Variants in CEACAM6 observed in about 807,000 individuals in gnomAD.
CEACAM6 encodes CEA cell adhesion molecule 6.
CEACAM6 carries 21 observed loss-of-function variants against 32.4 expected under a neutral mutation model. That is an observed-to-expected ratio of 0.65 (90% CI 0.46 to 0.93). The LOEUF (loss-of-function observed/expected upper bound fraction) is 0.93. Ranked by LOEUF, CEACAM6 falls within the 40% of genes least tolerant of loss-of-function variation. The pLI, the probability that CEACAM6 is intolerant of heterozygous loss-of-function variation, is 0.00. For missense variants in CEACAM6, 406 were observed against 432.2 expected, an observed-to-expected ratio of 0.94 and a Z score of 0.54; for synonymous variants, 184 against 174.4, an observed-to-expected ratio of 1.06 and a Z score of -0.43.
At chr19:41,756,196 A>C (rs2072884048) in intron 1 of CEACAM6, among the ~76,000 whole-genome samples, 1 of 152,168 alleles carries the variant, frequency 6.6e-6, no homozygotes, top group African/African-American at 2.4e-5. Context: ...ACAAAGAGAT[A>C]TAGAATGTGA....
chr19:41,758,915 T>C (rs75930294), intron 2 of CEACAM6, among the ~76,000 whole-genome samples: 8,782 of 152,174 alleles, frequency 0.058, 815 homozygotes, highest in African/African-American at 0.19. Context: ...AACAGGAGAA[T>C]GAGCTTCCAC....
At chr19:41,768,722 C>T (rs1380503781) in intron 5 of CEACAM6, among the ~76,000 whole-genome samples, 2 of 144,296 alleles carry the variant, frequency 1.4e-5, no homozygotes, top group Admixed American at 6.8e-5. Context: ...GCTGGCCGGG[C>T]GGGGGGCTGA....
chr19:41,757,297 G>T (rs1401070306), intron 2 of CEACAM6, among the ~76,000 whole-genome samples: 2 of 151,896 alleles, frequency 1.3e-5, no homozygotes, highest in Non-Finnish European at 2.9e-5. Context: ...GGCCTGAGGG[G>T]TCCCCCTAGG....
Position 41,756,928 on chromosome 19 carries a change from T to C in CEACAM6, c.393T>C (p.Asn131=). 6.2e-7 allele frequency: 1 copy of C among 1,612,810 alleles called. No homozygotes were observed. Residue 131 remains asparagine (N), a synonymous_variant, in exon 2 of 6, where the codon AAT becomes AAC. Coordinates refer to ENST00000199764, the MANE Select transcript of CEACAM6 (RefSeq NM_002483.7). ...AAGTCATAAAGTCAGATCTTGTGAA[T>C]GAAGAAGCAACCGGACAGTTCCATG... ...TLQVIKSDLV[N]EEATGQFHVY...
intron 2 of CEACAM6, among the ~76,000 whole-genome samples, chr19:41,758,466 G>T (rs1473873895): frequency 6.6e-6 from 1 of 152,138 alleles, no homozygotes; most frequent in African/African-American, 2.4e-5. Flanking sequence ...TCCCTCAGGG[G>T]CTGACACCCA....
chr19:41,760,238 C>G (rs1426682722), intron 2 of CEACAM6, among the ~76,000 whole-genome samples: 1 of 152,184 alleles, frequency 6.6e-6, no homozygotes, highest in Non-Finnish European at 1.5e-5. Flanking sequence ...CTCTAGGGAC[C>G]TCATATAAGT....
intron 2 of CEACAM6, among the ~76,000 whole-genome samples, chr19:41,757,670 A>G (rs1458694473): frequency 3.9e-5 from 6 of 152,174 alleles, no homozygotes; most frequent in African/African-American, 1.2e-4. Flanking sequence ...AACAGAGAAG[A>G]GAGGATGCTC....
chr19:41,759,711 C>T (rs1309079980), intron 2 of CEACAM6, among the ~76,000 whole-genome samples: 1 of 152,150 alleles, frequency 6.6e-6, no homozygotes, highest in Non-Finnish European at 1.5e-5. Context: ...ATCTTTAGGA[C>T]ATTAGTAACG....
chr19:41,769,094 C>T (rs373307743), intron 5 of CEACAM6, among the ~76,000 whole-genome samples: 8 of 152,080 alleles, frequency 5.3e-5, no homozygotes, highest in East Asian at 1.9e-4. Flanking sequence ...TACAGGCATG[C>T]GTCACCATGC....
chr19:41,766,449 T>G, intron 5 of CEACAM6, 150 bp downstream of exon 5: 3 of 458,538 alleles, frequency 6.5e-6, no homozygotes, highest in Non-Finnish European at 1.2e-5. Context: ...AGGTCTCTTC[T>G]TCCCTGGTCT....
chr19:41,767,780 C>T (rs1005223270), intron 5 of CEACAM6, among the ~76,000 whole-genome samples: 1 of 151,996 alleles, frequency 6.6e-6, no homozygotes. Context: ...ATACATGGGC[C>T]TATACTTTGT....
At chr19:41,762,996 C>T (rs2072935964) in intron 4 of CEACAM6, among the ~76,000 whole-genome samples, 1 of 152,108 alleles carries the variant, frequency 6.6e-6, no homozygotes, top group African/African-American at 2.4e-5. Flanking sequence ...GCAAGTGACG[C>T]ACACTTGGAG....
rs781942066 is a variant in CEACAM6, at chr19:41,755,646, C to T, written c.8C>T (p.Pro3Leu). The T allele has an allele frequency of 2.5e-6, 4 of 1,609,880 alleles. No individual in the cohort carries two copies. In the South Asian group the frequency reaches 3.3e-5, roughly 13 times the overall value. MG[P>L]PSAPPCRLHV... ...GAGAAGACAGCAGAGACCATGGGAC[C>T]CCCCTCAGCCCCTCCCTGCAGATTG... Residue 3 changes from proline to leucine, a missense_variant, in exon 1 of 6, where the codon CCC becomes CTC. Coordinates refer to ENST00000199764, the MANE Select transcript of CEACAM6 (RefSeq NM_002483.7).
Position 41,755,567 on chromosome 19 carries a change from C to A in CEACAM6, c.-72C>A. ...AGGACAGCAGGGCCAACAGTCACAGCAGCCCTGACCAGAGCATTCCTGGAG... is the reference window on the plus strand; with the variant it reads ...AGGACAGCAGGGCCAACAGTCACAGAAGCCCTGACCAGAGCATTCCTGGAG... On this transcript the variant is annotated 5_prime_UTR_variant, in exon 1 of 6. Coordinates refer to ENST00000199764, the MANE Select transcript of CEACAM6 (RefSeq NM_002483.7). 7.0e-7 allele frequency: 1 copy of A among 1,425,908 alleles called. No homozygotes were observed. The allele number at this position is 1,425,908 out of a possible 1,614,324, so 88.3% of individuals were successfully genotyped here. A position where few individuals can be genotyped will look rare whatever the true frequency, so the allele number is the denominator to read the frequency against.
rs1425783448 is a variant in CEACAM6, at chr19:41,771,353, C to G, written c.*592C>G. On this transcript the variant is annotated 3_prime_UTR_variant, in exon 6 of 6. Coordinates refer to ENST00000199764, the MANE Select transcript of CEACAM6 (RefSeq NM_002483.7). ...TTCTAGACTCACCTGTTCTCACTCC[C>G]TGTTTTAATTCAACCCAGCCATGCA... 6.6e-6 allele frequency: 1 copy of G among 152,208 alleles called. No individual in the cohort carries two copies. The highest frequency in any genetic ancestry group is 1.5e-5 in the Non-Finnish European group (1 of 68,036). The allele number at this position is 152,208 out of a possible 1,614,324, so 9.4% of individuals were successfully genotyped here.
intron 5 of CEACAM6, among the ~76,000 whole-genome samples, chr19:41,768,529 T>C (rs2122936089): frequency 6.6e-6 from 1 of 152,374 alleles, no homozygotes; most frequent in African/African-American, 2.4e-5. Context: ...ACCATCCGAT[T>C]TCTCAATCTT....
intron 3 of CEACAM6, 82 bp downstream of exon 3, chr19:41,761,609 A>G (rs889710658): frequency 1.9e-6 from 3 of 1,579,394 alleles, no homozygotes; most frequent in Non-Finnish European, 2.6e-6. Context: ...AGTCCCTCTC[A>G]GGTCTAAGGA....
At chr19:41,765,478 C>T (rs1020154363) in intron 4 of CEACAM6, among the ~76,000 whole-genome samples, 1 of 152,102 alleles carries the variant, frequency 6.6e-6, no homozygotes, top group Non-Finnish European at 1.5e-5. Context: ...TGAGATGCAG[C>T]CAAGATGGGA....
chr19:41,769,777 G>T (rs954399865), intron 5 of CEACAM6, among the ~76,000 whole-genome samples: 4 of 147,822 alleles, frequency 2.7e-5, no homozygotes, highest in Middle Eastern at 3.3e-3. Flanking sequence ...ATTATTTGAT[G>T]ATCATTATTT....
Sources: gnomAD v4.1 joint callset for allele counts (sites outside exome capture counted in the v4.1 genomes callset) on GRCh38, gnomAD v4.1.1 for gene constraint, MANE v1.5 for transcripts, NCBI Gene and HGNC (gene_info 2026-07-23, HGNC 2026-07-21) for gene names.